The following SUGCT variants were observed in gnomAD, a reference collection of about 807,000 sequenced individuals.
SUGCT encodes the protein succinyl-CoA:glutarate-CoA transferase, also known as succinyl-CoA:glutarate CoA-transferase.
A neutral mutation model predicts 55.0 loss-of-function variants in SUGCT; 41 were observed. That is an observed-to-expected ratio of 0.74 (90% CI 0.58 to 0.97). The LOEUF (loss-of-function observed/expected upper bound fraction) is 0.97, where lower values mean the gene tolerates loss of function less well. Among genes scored for constraint, SUGCT ranks in the 50% least tolerant of loss-of-function variants. The pLI, the probability that SUGCT is intolerant of heterozygous loss-of-function variation, is 0.00. For synonymous variants in SUGCT, 187 were observed against 200.4 expected (o/e 0.93, Z 0.56); for missense variants, 568 against 547.8 (o/e 1.04, Z -0.37).
chr7:40,967,379 A>C, the SUGCT span: 4 of 152,162 alleles, frequency 2.6e-5, no homozygotes, highest in Admixed American at 6.5e-5. Context: ...AAATCACAGA[A>C]TCTCCGTTTA....
chr7:40,676,894 C>CGTGTGT (rs3221667), intron 12 of SUGCT, among the ~76,000 whole-genome samples: 11,110 of 143,924 alleles, frequency 0.077, 419 homozygotes, highest in East Asian at 0.11. Flanking sequence ...TTCAGAATGA[C>CGTGTGT]GTGTGTGTGT....
chr7:40,763,236 T>C (rs1788624613), intron 13 of SUGCT, among the ~76,000 whole-genome samples: 1 of 152,168 alleles, frequency 6.6e-6, no homozygotes, highest in Non-Finnish European at 1.5e-5. Flanking sequence ...TTAGTGAGCC[T>C]GAATATGAAT....
At chr7:40,603,301 G>A (rs943506728) in intron 12 of SUGCT, among the ~76,000 whole-genome samples, 10 of 152,106 alleles carry the variant, frequency 6.6e-5, no homozygotes, top group Admixed American at 3.9e-4. Context: ...TAATGATAGC[G>A]AAAGTGCTTT....
intron 9 of SUGCT, among the ~76,000 whole-genome samples, chr7:40,379,935 A>G (rs1390278074): frequency 2.0e-5 from 3 of 152,134 alleles, no homozygotes; most frequent in Non-Finnish European, 2.9e-5. Flanking sequence ...ATCTCCCTTG[A>G]TAAGTTTTTT....
chr7:40,979,093 T>C, the SUGCT span, among the ~76,000 whole-genome samples: 3 of 152,098 alleles, frequency 2.0e-5, no homozygotes, highest in Admixed American at 6.5e-5. Flanking sequence ...CCATGCCTTT[T>C]CCATTATGCC....
At chr7:40,378,561 C>T (rs1321319670) in intron 9 of SUGCT, among the ~76,000 whole-genome samples, 1 of 152,188 alleles carries the variant, frequency 6.6e-6, no homozygotes, top group African/African-American at 2.4e-5. Context: ...CAATCCCTGC[C>T]TCCCAGGTTC....
At chr7:40,411,736 TCTATTGTA>T (rs1786706294) in intron 9 of SUGCT, among the ~76,000 whole-genome samples, 1 of 152,144 alleles carries the variant, frequency 6.6e-6, no homozygotes. Context: ...TTAACAATAA[TCTATTGTA>T]CATTTCAAAA....
the SUGCT span, among the ~76,000 whole-genome samples, chr7:40,881,310 T>C: frequency 6.6e-6 from 1 of 152,218 alleles, no homozygotes; most frequent in African/African-American, 2.4e-5. Context: ...CTAAAGCTGC[T>C]CCCATTCCCT....
At chr7:40,549,380 T>A (rs1351230460) in intron 12 of SUGCT, among the ~76,000 whole-genome samples, 2 of 152,190 alleles carry the variant, frequency 1.3e-5, no homozygotes, top group African/African-American at 4.8e-5. Flanking sequence ...AATCCTGGAA[T>A]AATGACTGAA....
chr7:40,869,735 T>A, the SUGCT span, among the ~76,000 whole-genome samples: 2 of 152,214 alleles, frequency 1.3e-5, no homozygotes, highest in African/African-American at 4.8e-5. Context: ...TCATTTTTTC[T>A]TAGTCTCCTC....
chr7:40,148,807 A>G (rs1002838463), intron 1 of SUGCT, among the ~76,000 whole-genome samples: 7 of 152,160 alleles, frequency 4.6e-5, no homozygotes, highest in African/African-American at 1.7e-4. Context: ...CTGTTGGGGG[A>G]AATAAAGGAT....
intron 1 of SUGCT, among the ~76,000 whole-genome samples, chr7:40,146,435 A>G (rs952929291): frequency 6.6e-6 from 1 of 152,218 alleles, no homozygotes; most frequent in African/African-American, 2.4e-5. Flanking sequence ...GTGGGAAATT[A>G]GGGGTCTCAC....
intron 12 of SUGCT, among the ~76,000 whole-genome samples, chr7:40,581,655 T>C (rs538038244): frequency 6.6e-6 from 1 of 152,190 alleles, no homozygotes; most frequent in Non-Finnish European, 1.5e-5. Context: ...TGTATATTTT[T>C]CCCCTGATAT....
intron 9 of SUGCT, among the ~76,000 whole-genome samples, chr7:40,318,540 G>A (rs972020266): frequency 1.4e-4 from 21 of 152,162 alleles, no homozygotes; most frequent in African/African-American, 4.8e-4. Context: ...AGGTTCAAGC[G>A]GTTCTTCTGC....
In SUGCT at chr7:40,459,119, T is replaced by G; in HGVS notation, c.907T>G (p.Leu303Val). Residue 303 changes from leucine to valine, a missense_variant, in exon 11 of 14, where the codon TTG (leucine) becomes GTG (valine). Transcript: ENST00000335693. The part of the protein sequence containing the change: ...TVCKILDLPE[L>V]IDNSKYKTNH... Reference sequence around the variant, plus strand: ...CTTTTAGATCTTGGATTTGCCTGAGTTGATTGATAATTCCAAGTATAAAAC... The same window carrying G: ...CTTTTAGATCTTGGATTTGCCTGAGGTGATTGATAATTCCAAGTATAAAAC... 1 of 1,610,720 alleles carries G rather than the reference T, an allele frequency of 6.2e-7. No homozygotes were observed. Among genetic ancestry groups the G allele is most frequent in the Non-Finnish European group, 8.5e-7 (1 of 1,177,864 alleles).
At chr7:40,593,038 G>C (rs1797811212) in intron 12 of SUGCT, among the ~76,000 whole-genome samples, 1 of 152,206 alleles carries the variant, frequency 6.6e-6, no homozygotes, top group Non-Finnish European at 1.5e-5. Flanking sequence ...GAAAAGCATA[G>C]CTTTGGGTCA....
chr7:40,758,974 A>T (rs1452234459), intron 13 of SUGCT, among the ~76,000 whole-genome samples: 3 of 152,166 alleles, frequency 2.0e-5, no homozygotes, highest in Non-Finnish European at 4.4e-5. Context: ...TTAAGCAAAA[A>T]CCAAATTTTA....
At chr7:41,021,956 GA>G in the SUGCT span, among the ~76,000 whole-genome samples, 1 of 148,928 alleles carries the variant, frequency 6.7e-6, no homozygotes, top group African/African-American at 2.5e-5. Context: ...GAAATATGAA[GA>G]ATAGTCTTAG....
At chr7:40,686,591 A>C (rs1008217168) in intron 12 of SUGCT, among the ~76,000 whole-genome samples, 1 of 149,442 alleles carries the variant, frequency 6.7e-6, no homozygotes, top group African/African-American at 2.5e-5. Context: ...GTGGAAGCAG[A>C]TAAGATGGTA....
Sources: gnomAD v4.1 joint callset for allele counts (sites outside exome capture counted in the v4.1 genomes callset) on GRCh38, gnomAD v4.1.1 for gene constraint, MANE v1.5 for transcripts, NCBI Gene and HGNC (gene_info 2026-07-23, HGNC 2026-07-21) for gene names.